The following SETBP1 variants were observed in gnomAD, a reference collection of about 807,000 sequenced individuals.
SETBP1 encodes the protein SET-binding protein.
A neutral mutation model predicts 101.0 loss-of-function variants in SETBP1; 9 were observed. That is an observed-to-expected ratio of 0.09 (90% CI 0.05 to 0.16). The LOEUF (loss-of-function observed/expected upper bound fraction) is 0.16. Ranked by LOEUF, SETBP1 falls within the 10% of genes least tolerant of loss-of-function variation. The pLI, the probability that SETBP1 is intolerant of heterozygous loss-of-function variation, is 1.00. For missense variants in SETBP1, 1,858 were observed against 2,033.8 expected, an observed-to-expected ratio of 0.91 and a Z score of 1.66; for synonymous variants, 818 against 788.5, an observed-to-expected ratio of 1.04 and a Z score of -0.63.
At chr18:44,883,680 C>T (rs191445153) in intron 3 of SETBP1, among the ~76,000 whole-genome samples, 3 of 152,294 alleles carry the variant, frequency 2.0e-5, no homozygotes, top group East Asian at 1.9e-4. Context: ...ATTTTAAGTG[C>T]TTTCTTATAC....
At chr18:44,954,348 A>C (rs1000171196) in intron 4 of SETBP1, among the ~76,000 whole-genome samples, 148 of 151,852 alleles carry the variant, frequency 9.7e-4, no homozygotes, top group African/African-American at 3.3e-3. Context: ...AAAAAAAAAA[A>C]AAAAAACAGT....
intron 3 of SETBP1, among the ~76,000 whole-genome samples, chr18:44,898,644 G>A (rs965035377): frequency 2.0e-5 from 3 of 152,094 alleles, no homozygotes; most frequent in Admixed American, 6.6e-5. Flanking sequence ...AAAGGGCTTC[G>A]AGTTCTACTG....
At chr18:44,858,720 T>C (rs2073022420) in intron 2 of SETBP1, among the ~76,000 whole-genome samples, 2 of 152,222 alleles carry the variant, frequency 1.3e-5, no homozygotes, top group Admixed American at 1.3e-4. Context: ...GGCACAAGAC[T>C]GTTCTTGCCA....
rs1048364894 is a variant in SETBP1 at position 45,065,547 on chromosome 18, G to T, written c.*1849G>T. 6.6e-6 allele frequency: 1 copy of T among 152,208 alleles called. No individual in the cohort carries two copies. Among genetic ancestry groups the T allele is most frequent in the Non-Finnish European group, 1.5e-5 (1 of 68,030 alleles). 9.4% of individuals were successfully genotyped at this position (152,208 alleles called of 1,614,324 possible). A position where few individuals can be genotyped will look rare whatever the true frequency, so the allele number is the denominator to read the frequency against. ...AATAAGTGATGGGGTATCTATGTGAGTAAATTTTTAAATTCCAAGTTAATA... is the reference window on the plus strand; with the variant it reads ...AATAAGTGATGGGGTATCTATGTGATTAAATTTTTAAATTCCAAGTTAATA... On this transcript the variant is annotated 3_prime_UTR_variant, in exon 6 of 6. Coordinates refer to ENST00000649279, the MANE Select transcript of SETBP1 (RefSeq NM_015559.3).
At chr18:44,789,787 A>G (rs1279609585) in intron 2 of SETBP1, among the ~76,000 whole-genome samples, 1 of 151,928 alleles carries the variant, frequency 6.6e-6, no homozygotes, top group Non-Finnish European at 1.5e-5. Context: ...TAGTAAACTC[A>G]CTCCTCCCAC....
chr18:44,908,389 T>C (rs1293647354), intron 3 of SETBP1, among the ~76,000 whole-genome samples: 1 of 152,152 alleles, frequency 6.6e-6, no homozygotes, highest in Admixed American at 6.5e-5. Flanking sequence ...CTTCTTCTTC[T>C]CCACTTTCTT....
intron 4 of SETBP1, among the ~76,000 whole-genome samples, chr18:44,973,087 G>A (rs1182687399): frequency 6.6e-6 from 1 of 151,674 alleles, no homozygotes; most frequent in Non-Finnish European, 1.5e-5. Flanking sequence ...TTAGCATAAA[G>A]GGTAGTTGAA....
rs1568058862 is a variant in SETBP1, at chr18:45,063,430, C to G, written c.4523C>G (p.Thr1508Ser). ...PAASQDTIMA[T>S]IEAVIHMARE... Reference sequence around the variant, plus strand: ...GCCAGCCAAGACACCATCATGGCCACCATCGAGGCGGTCATCCACATGGCC... The same window carrying G: ...GCCAGCCAAGACACCATCATGGCCAGCATCGAGGCGGTCATCCACATGGCC... Residue 1508 changes from threonine to serine, a missense_variant, in exon 6 of 6, where the codon ACC becomes AGC. Thr to Ser is a moderately conservative substitution (Grantham distance 58). This residue lies in a region of SETBP1 where 178 missense variants were observed against 189.1 expected (regional missense o/e 0.94). Coordinates refer to ENST00000649279, the MANE Select transcript of SETBP1 (RefSeq NM_015559.3). The G allele has an allele frequency of 6.6e-7, 1 of 1,508,282 alleles. No individual in the cohort carries two copies. The highest frequency in any genetic ancestry group is 2.2e-5 in the Admixed American group (1 of 45,136). 93.4% of individuals were successfully genotyped at this position (1,508,282 alleles called of 1,614,324 possible). A position where few individuals can be genotyped will look rare whatever the true frequency, so the allele number is the denominator to read the frequency against.
At chr18:44,785,807 T>C (rs930402719) in intron 2 of SETBP1, among the ~76,000 whole-genome samples, 1 of 152,242 alleles carries the variant, frequency 6.6e-6, no homozygotes, top group Non-Finnish European at 1.5e-5. Context: ...TTCTCTCTTA[T>C]ATGTTGCCAC....
At chr18:44,755,522 C>T (rs2070472941) in intron 2 of SETBP1, among the ~76,000 whole-genome samples, 1 of 151,626 alleles carries the variant, frequency 6.6e-6, no homozygotes, top group South Asian at 2.1e-4. Flanking sequence ...CATCAAACTC[C>T]AGGTTTGTAG....
At chr18:44,897,828 C>T (rs1191875381) in intron 3 of SETBP1, among the ~76,000 whole-genome samples, 1 of 152,094 alleles carries the variant, frequency 6.6e-6, no homozygotes, top group African/African-American at 2.4e-5. Flanking sequence ...TTATGGTGAC[C>T]ACATTCATCA....
intron 2 of SETBP1, among the ~76,000 whole-genome samples, chr18:44,868,772 A>G (rs2069199447): frequency 1.3e-5 from 2 of 148,690 alleles, no homozygotes; most frequent in South Asian, 2.1e-4. Flanking sequence ...GGAAGGAAGG[A>G]AAAGCCCTCT....
chr18:44,837,147 A>T (rs564141265), intron 2 of SETBP1, among the ~76,000 whole-genome samples: 1 of 152,308 alleles, frequency 6.6e-6, no homozygotes. Context: ...AGAGCCAAGG[A>T]TACAAGTCCC....
intron 2 of SETBP1, among the ~76,000 whole-genome samples, chr18:44,860,388 T>C (rs527397161): frequency 6.6e-6 from 1 of 152,346 alleles, no homozygotes; most frequent in East Asian, 1.9e-4. Flanking sequence ...CCTCTTTTCT[T>C]ACATTAGTTG....
chr18:44,714,170 C>G (rs1362259203), intron 2 of SETBP1, among the ~76,000 whole-genome samples: 1 of 152,060 alleles, frequency 6.6e-6, no homozygotes, highest in Non-Finnish European at 1.5e-5. Context: ...TTTTATTTTT[C>G]CAGCCTAGAT....
chr18:44,803,097 A>G (rs2071642302), intron 2 of SETBP1, among the ~76,000 whole-genome samples: 1 of 152,098 alleles, frequency 6.6e-6, no homozygotes, highest in South Asian at 2.1e-4. Context: ...CACACCATAT[A>G]AGGTAAGGGC....
rs80013756 is a variant in SETBP1, at chr18:44,839,406, TTGCTGCTGCTGCTGC to T, written c.487-29811_487-29797del. ...TCAGCATGCTAGGCAAACCTGGGTG[TTGCTGCTGCTGCTGC>T]TGCTGCTGCTGCGAGGCTGCCCTTA... is the stretch of plus-strand genomic sequence containing the variant. On this transcript the variant is annotated intron_variant, in intron 2 of 5. Transcript: ENST00000649279. Among the ~76,000 whole-genome samples, 9 of 151,958 alleles carry T rather than the reference TTGCTGCTGCTGCTGC, an allele frequency of 5.9e-5. 1 individual carries two copies. In the South Asian group the frequency reaches 1.0e-3, roughly 18 times the overall value.
At chr18:44,739,072 A>G (rs2070042511) in intron 2 of SETBP1, among the ~76,000 whole-genome samples, 1 of 152,124 alleles carries the variant, frequency 6.6e-6, no homozygotes, top group African/African-American at 2.4e-5. Context: ...TCTTAAACCT[A>G]GTAACTCAAG....
At chr18:44,779,080 G>T (rs1023364766) in intron 2 of SETBP1, among the ~76,000 whole-genome samples, 1 of 152,236 alleles carries the variant, frequency 6.6e-6, no homozygotes, top group Non-Finnish European at 1.5e-5. Flanking sequence ...TTCCTGGGTT[G>T]TTAAATGCAG....
Sources: allele counts gnomAD v4.1 joint callset (sites outside exome capture counted in the v4.1 genomes callset), GRCh38; gene constraint gnomAD v4.1.1; regional missense constraint gnomAD v4.1.1; transcripts MANE v1.5; gene names NCBI Gene and HGNC (gene_info 2026-07-23, HGNC 2026-07-21).